PLEKHA5: variants seen among roughly 807,000 people sequenced by gnomAD.
PLEKHA5 encodes pleckstrin homology domain-containing family A member 5.
PLEKHA5 carries 55 observed loss-of-function variants against 181.9 expected under a neutral mutation model. The ratio of observed to expected loss-of-function variants is 0.30; its 90% CI spans 0.24 to 0.38. The LOEUF (loss-of-function observed/expected upper bound fraction) is 0.38, where lower values mean the gene tolerates loss of function less well. Among genes scored for constraint, PLEKHA5 ranks in the 10% least tolerant of loss-of-function variants. The probability of loss-of-function intolerance (pLI) is 1.00; values close to 1 mark genes in which losing one functional copy is unlikely to be tolerated. For synonymous variants in PLEKHA5, 535 were observed against 529.4 expected (o/e 1.01, Z -0.15); for missense variants, 1,432 against 1,549.5 (o/e 0.92, Z 1.27).
chr12:19,308,832 G>T (rs2085153827), intron 15 of PLEKHA5, among the ~76,000 whole-genome samples: 1 of 151,286 alleles, frequency 6.6e-6, no homozygotes, highest in Non-Finnish European at 1.5e-5. Context: ...CAGATCACCT[G>T]AGGTAAGGAG....
rs541424828 is a variant in PLEKHA5 at position 19,321,040 on chromosome 12, G to A, written c.2217+416G>A. On this transcript the variant is annotated intron_variant, in intron 18 of 31. Coordinates refer to ENST00000429027, the MANE Select transcript of PLEKHA5 (RefSeq NM_001256470.2). ...AAATTAGCTGGGCATGGTGGTACAC[G>A]CTTGTAATCCCAGCTACTCGGGAGT... 5.3e-5 allele frequency among the ~76,000 whole-genome samples: 8 copies of A among 151,850 alleles called. No individual in the cohort carries two copies. The South Asian group carries it at 8.4e-4, about 16-fold the overall frequency.
At chr12:19,351,660 A>G (rs1230686249) in intron 25 of PLEKHA5, among the ~76,000 whole-genome samples, 1 of 152,212 alleles carries the variant, frequency 6.6e-6, no homozygotes, top group Non-Finnish European at 1.5e-5. Context: ...GGAGAGAAAG[A>G]TAATCCAAAA....
At chr12:19,354,471 A>T (rs1048120080) in intron 26 of PLEKHA5, among the ~76,000 whole-genome samples, 4 of 110,844 alleles carry the variant, frequency 3.6e-5, no homozygotes, top group East Asian at 3.6e-4. Context: ...AGTTATTCTT[A>T]AAAAAAAAAA....
rs925400658 is a variant in PLEKHA5, at chr12:19,333,226, G to A, written c.2449-3289G>A. ...CTTGAACCCAGGAGGCAGAGGTTGC[G>A]ATGAGCTGAGATCGCACCGTTACAC... is the stretch of plus-strand genomic sequence containing the variant. On this transcript the variant is annotated intron_variant, in intron 20 of 31. Transcript: ENST00000429027. Among the ~76,000 whole-genome samples, 7 of 151,830 alleles carry A rather than the reference G, an allele frequency of 4.6e-5. No homozygotes were observed. In the East Asian group the frequency reaches 7.9e-4, roughly 17 times the overall value.
Position 19,372,332 on chromosome 12 carries a change from T to C in PLEKHA5, c.*11+2534T>C, listed in dbSNP as rs374015164. The C allele has an allele frequency of 5.3e-5, 8 of 152,280 alleles. No homozygotes were observed. The East Asian group carries it at 1.2e-3, about 22-fold the overall frequency. 9.4% of individuals were successfully genotyped at this position (152,280 alleles called of 1,614,324 possible). On this transcript the variant is annotated intron_variant, in intron 31 of 31. Transcript: ENST00000429027. Reference sequence around the variant, plus strand: ...CAGGAATAAGGAGGCATCTCATTGTTGTGTACCTTCTTTTGAGAAATGCCT... The same window carrying C: ...CAGGAATAAGGAGGCATCTCATTGTCGTGTACCTTCTTTTGAGAAATGCCT...
chr12:19,264,013 AAG>A (rs2069447546), intron 7 of PLEKHA5, among the ~76,000 whole-genome samples: 2 of 152,188 alleles, frequency 1.3e-5, no homozygotes, highest in African/African-American at 4.8e-5. Flanking sequence ...TCATGATTAG[AAG>A]CAGTTTAAGA....
At chr12:19,257,333 C>A in intron 5 of PLEKHA5, 100 bp from the exon 6 acceptor site, 2 of 616,086 alleles carry the variant, frequency 3.2e-6, no homozygotes, top group South Asian at 2.4e-5. Context: ...TCCTGCAAGT[C>A]TTGGGAAAAT....
intron 3 of PLEKHA5, among the ~76,000 whole-genome samples, chr12:19,172,124 C>A (rs1362276020): frequency 2.0e-5 from 3 of 152,168 alleles, no homozygotes; most frequent in African/African-American, 7.2e-5. Context: ...AGTCATTTAT[C>A]ATTACCCAAT....
chr12:19,180,295 C>A (rs1007812180), intron 3 of PLEKHA5, among the ~76,000 whole-genome samples: 30 of 152,256 alleles, frequency 2.0e-4, no homozygotes, highest in African/African-American at 7.2e-4. Flanking sequence ...AAGACTAGGT[C>A]ATTTGACAGT....
Position 19,336,629 on chromosome 12 carries a change from A to T in PLEKHA5, c.2550+13A>T, listed in dbSNP as rs1350394675. The stretch of plus-strand genomic sequence containing the variant: ...TGGTGAAGTTCAGGTACAAAAGTAT[A>T]ATATTCTTTATATTGTTTTAACTGT... On this transcript the variant is annotated intron_variant, in intron 21 of 31. Transcript: ENST00000429027. 3 of 1,411,744 alleles carry T rather than the reference A, an allele frequency of 2.1e-6. No individual in the cohort carries two copies. The highest frequency in any genetic ancestry group is 3.0e-6 in the Non-Finnish European group (3 of 999,478). The allele number at this position is 1,411,744 out of a possible 1,614,324, so 87.5% of individuals were successfully genotyped here. A position where few individuals can be genotyped will look rare whatever the true frequency, so the allele number is the denominator to read the frequency against.
chr12:19,168,488 A>G (rs1222442763), intron 3 of PLEKHA5, among the ~76,000 whole-genome samples: 2 of 124,868 alleles, frequency 1.6e-5, no homozygotes, highest in Non-Finnish European at 3.7e-5. Context: ...AGTTTATTGC[A>G]GTGATTTAAA....
At chr12:19,302,391 G>C (rs2081756329) in intron 15 of PLEKHA5, among the ~76,000 whole-genome samples, 1 of 152,178 alleles carries the variant, frequency 6.6e-6, no homozygotes, top group Admixed American at 6.6e-5. Flanking sequence ...CAAATGACTT[G>C]CAGATCATGG....
intron 3 of PLEKHA5, among the ~76,000 whole-genome samples, chr12:19,206,381 A>C (rs977404978): frequency 6.6e-6 from 1 of 152,160 alleles, no homozygotes; most frequent in Non-Finnish European, 1.5e-5. Flanking sequence ...CCAAATATTC[A>C]GAGTCTTCTC....
intron 30 of PLEKHA5, among the ~76,000 whole-genome samples, chr12:19,367,682 C>T (rs1445412739): frequency 6.6e-6 from 1 of 151,904 alleles, no homozygotes; most frequent in Admixed American, 6.6e-5. Context: ...TGGGTTCATG[C>T]CATTCTTCTG....
chr12:19,205,859 C>T (rs1382880203), intron 3 of PLEKHA5, among the ~76,000 whole-genome samples: 4 of 151,724 alleles, frequency 2.6e-5, no homozygotes, highest in Non-Finnish European at 5.9e-5. Flanking sequence ...TAGGTAAGAC[C>T]CAGTTTGCAT....
intron 3 of PLEKHA5, among the ~76,000 whole-genome samples, chr12:19,215,366 C>T (rs371610179): frequency 8.9e-4 from 135 of 152,044 alleles, no homozygotes; most frequent in Admixed American, 1.2e-3. Context: ...AGAATCCAGA[C>T]GCTGAGTAAC....
rs766321368 is a variant in PLEKHA5, at chr12:19,283,347, C to T, written c.1381C>T (p.Pro461Ser). 2 of 1,613,642 alleles carry T rather than the reference C, an allele frequency of 1.2e-6. No homozygotes were observed. The highest frequency in any genetic ancestry group is 8.5e-7 in the Non-Finnish European group (1 of 1,179,966). ...SHRAQIMARY[P>S]EGYRTLPRNS... Reference sequence around the variant, plus strand: ...CAGAGCCCAGATTATGGCCCGCTACCCTGAAGGTTATAGAACACTCCCAAG... The same window carrying T: ...CAGAGCCCAGATTATGGCCCGCTACTCTGAAGGTTATAGAACACTCCCAAG... Residue 461 changes from proline to serine, a missense_variant, in exon 12 of 32, where the codon CCT (proline) becomes TCT (serine). Pro to Ser is a moderately conservative substitution (Grantham distance 74). Transcript: ENST00000429027.
At chr12:19,179,061 A>T (rs7298018) in intron 3 of PLEKHA5, among the ~76,000 whole-genome samples, 135,159 of 152,264 alleles carry the variant, frequency 0.89, 60,839 homozygotes, top group Non-Finnish European at 0.97. Context: ...GAAATTCCTG[A>T]GTCATACATG....
At chr12:19,243,577 G>A (rs1020102361) in intron 3 of PLEKHA5, 7 of 152,082 alleles carry the variant, frequency 4.6e-5, no homozygotes, top group Admixed American at 1.3e-4. Flanking sequence ...GAAATTATCC[G>A]TTTTCTAAAT....
Sources: gnomAD v4.1 joint callset for allele counts (sites outside exome capture counted in the v4.1 genomes callset) on GRCh38, gnomAD v4.1.1 for gene constraint, MANE v1.5 for transcripts, NCBI Gene and HGNC (gene_info 2026-07-23, HGNC 2026-07-21) for gene names.